Variants in RAB7A observed in about 807,000 individuals in gnomAD.
RAB7A encodes the protein RAB7A, member RAS oncogene family.
In RAB7A, 2 loss-of-function variants were observed where a neutral mutation model predicts 24.5. The ratio of observed to expected loss-of-function variants is 0.08; its 90% CI spans 0.03 to 0.26. The LOEUF (loss-of-function observed/expected upper bound fraction) is 0.26, where lower values mean the gene tolerates loss of function less well. RAB7A is among the 10% of genes least tolerant of loss of function. The probability of loss-of-function intolerance (pLI) is 1.00; values close to 1 mark genes in which losing one functional copy is unlikely to be tolerated. For synonymous variants in RAB7A, 100 were observed against 95.9 expected (o/e 1.04, Z -0.25); for missense variants, 118 against 255.7 (o/e 0.46, Z 3.67).
chr3:128,738,970 C>T (rs1171037571), intron 1 of RAB7A, among the ~76,000 whole-genome samples: 3 of 152,178 alleles, frequency 2.0e-5, no homozygotes, highest in Admixed American at 2.0e-4. Context: ...TTCTGAAAAA[C>T]GAGAGTAATG....
intron 1 of RAB7A, among the ~76,000 whole-genome samples, chr3:128,795,020 CGACCTGAATGAAGCAAG>C (rs1333630741): frequency 2.6e-5 from 4 of 152,052 alleles, no homozygotes; most frequent in African/African-American, 9.7e-5. Context: ...ACTGAAGCAG[CGACCTGAATGAAGCAAG>C]GACCAAGCTG....
intron 1 of RAB7A, among the ~76,000 whole-genome samples, chr3:128,782,460 G>A (rs1414058928): frequency 6.6e-6 from 1 of 152,050 alleles, no homozygotes; most frequent in Non-Finnish European, 1.5e-5. Context: ...CACCTTTGAT[G>A]GTGCCACATA....
chr3:128,811,236 C>G (rs1282228545), intron 5 of RAB7A, among the ~76,000 whole-genome samples: 1 of 152,078 alleles, frequency 6.6e-6, no homozygotes, highest in African/African-American at 2.4e-5. Context: ...CAGCAGTCTT[C>G]CCACCATAGC....
chr3:128,777,193 T>C (rs1250495499), intron 1 of RAB7A, among the ~76,000 whole-genome samples: 1 of 152,158 alleles, frequency 6.6e-6, no homozygotes, highest in African/African-American at 2.4e-5. Context: ...TTTCTCAGTA[T>C]GATTCTTTTT....
intron 1 of RAB7A, among the ~76,000 whole-genome samples, chr3:128,740,322 C>G (rs1203664140): frequency 6.7e-6 from 1 of 149,054 alleles, no homozygotes; most frequent in Non-Finnish European, 1.5e-5. Flanking sequence ...CAGAGATGGC[C>G]GTGAGCCGAG....
At chr3:128,775,135 C>G (rs1416624004) in intron 1 of RAB7A, among the ~76,000 whole-genome samples, 1 of 152,160 alleles carries the variant, frequency 6.6e-6, no homozygotes, top group Non-Finnish European at 1.5e-5. Flanking sequence ...GGCCACTGAG[C>G]AGGGAGAGCC....
chr3:128,804,573 AAT>A (rs1475142898), intron 3 of RAB7A, among the ~76,000 whole-genome samples: 1 of 152,222 alleles, frequency 6.6e-6, no homozygotes, highest in African/African-American at 2.4e-5. Flanking sequence ...TGTTTTGATA[AAT>A]ATGGCCTTTA....
At position 128,807,528 on chromosome 3, in the gene RAB7A, T is replaced by G. The variant is rs1456893774; in HGVS notation, c.400-15T>G. 10 of 1,613,682 alleles carry G rather than the reference T, an allele frequency of 6.2e-6. No individual in the cohort carries two copies. The highest frequency in any genetic ancestry group is 1.7e-4 in the Middle Eastern group (1 of 5,838). On this transcript the variant is annotated splice_polypyrimidine_tract_variant and intron_variant, in intron 4 of 5. Coordinates refer to ENST00000265062, the MANE Select transcript of RAB7A (RefSeq NM_004637.6). Reference sequence around the variant, plus strand: ...TTCTGTCATGAGCCTATGTGCACCCTGCTTCTTCTTTCAGGTGGCCACAAA... The same window carrying G: ...TTCTGTCATGAGCCTATGTGCACCCGGCTTCTTCTTTCAGGTGGCCACAAA...
intron 3 of RAB7A, chr3:128,798,288 TA>T: frequency 2.1e-6 from 1 of 477,030 alleles, no homozygotes. Flanking sequence ...TAAGACACAC[TA>T]AAAAATTCTT....
chr3:128,750,265 C>CT (rs2070663711), intron 1 of RAB7A, among the ~76,000 whole-genome samples: 1 of 152,078 alleles, frequency 6.6e-6, no homozygotes, highest in Non-Finnish European at 1.5e-5. Flanking sequence ...GAAGAAATTT[C>CT]TTTTTCTTTT....
chr3:128,754,867 A>C (rs887816223), intron 1 of RAB7A, among the ~76,000 whole-genome samples: 3 of 152,208 alleles, frequency 2.0e-5, no homozygotes, highest in Non-Finnish European at 2.9e-5. Flanking sequence ...CTAATAACAG[A>C]CCACTCAAAT....
intron 1 of RAB7A, chr3:128,764,434 G>A (rs747106845): frequency 2.0e-4 from 151 of 746,346 alleles, no homozygotes; most frequent in Middle Eastern, 1.1e-3. Context: ...CAGGGAATTC[G>A]CCCCATGGCT....
intron 1 of RAB7A, among the ~76,000 whole-genome samples, chr3:128,788,595 T>C (rs904903873): frequency 1.3e-5 from 2 of 152,230 alleles, no homozygotes; most frequent in African/African-American, 2.4e-5. Flanking sequence ...AAGTGGGTAC[T>C]ACTATACTTT....
chr3:128,754,120 A>G (rs1243619300), intron 1 of RAB7A, among the ~76,000 whole-genome samples: 2 of 151,390 alleles, frequency 1.3e-5, no homozygotes, highest in East Asian at 3.8e-4. Flanking sequence ...TGAAGATATA[A>G]TCATGTCTGA....
chr3:128,810,779 T>C (rs1933906763), intron 5 of RAB7A, among the ~76,000 whole-genome samples: 1 of 152,096 alleles, frequency 6.6e-6, no homozygotes, highest in African/African-American at 2.4e-5. Context: ...CCCAGCCGAG[T>C]GCGGTGGCTC....
intron 1 of RAB7A, among the ~76,000 whole-genome samples, chr3:128,729,230 C>G (rs144682478): frequency 0.012 from 1,825 of 151,952 alleles, 33 homozygotes; most frequent in African/African-American, 0.039. Flanking sequence ...GTTTTCTGAC[C>G]CCACTGCCAA....
intron 1 of RAB7A, 197 bp from the exon 2 acceptor site, chr3:128,795,163 G>C (rs531963839): frequency 3.1e-6 from 2 of 639,552 alleles, no homozygotes; most frequent in East Asian, 5.6e-5. Flanking sequence ...CTGCTGTGCT[G>C]TTCTGCCTCG....
rs1408435734 is a variant in RAB7A, at chr3:128,743,229, C to T, written c.-9+16870C>T. Among the ~76,000 whole-genome samples the T allele has an allele frequency of 2.0e-5, 3 of 152,322 alleles. No homozygotes were observed. The East Asian group carries it at 5.8e-4, about 29-fold the overall frequency. On this transcript the variant is annotated intron_variant, in intron 1 of 5. Transcript: ENST00000265062. ...CGGCCACTCCGAGTGTGGGGCCCTC[C>T]AAGCCCACACCCACCCGGAACTCCC...
At position 128,779,984 on chromosome 3, in the gene RAB7A, T is replaced by A. The variant is rs188479693; in HGVS notation, c.-8-15376T>A. ...TTTAAGTGGGCTGAAGTGTGGAGAT[T>A]GTTGATTGGTCAAAGAGTGCAGAGT... is the stretch of plus-strand genomic sequence containing the variant. On this transcript the variant is annotated intron_variant, in intron 1 of 5. Coordinates refer to ENST00000265062, the MANE Select transcript of RAB7A (RefSeq NM_004637.6). Among the ~76,000 whole-genome samples, 64 of 152,264 alleles carry A rather than the reference T, an allele frequency of 4.2e-4. 1 individual carries two copies. The highest frequency in any genetic ancestry group is 1.4e-3 in the African/African-American group (58 of 41,536).
Sources: gnomAD v4.1 joint callset for allele counts (sites outside exome capture counted in the v4.1 genomes callset) on GRCh38, gnomAD v4.1.1 for gene constraint, MANE v1.5 for transcripts, NCBI Gene and HGNC (gene_info 2026-07-23, HGNC 2026-07-21) for gene names.